DPP10: variants seen among roughly 807,000 people sequenced by gnomAD.
DPP10 encodes inactive dipeptidyl peptidase 10.
A neutral mutation model predicts 120.9 loss-of-function variants in DPP10; 33 were observed. The observed-to-expected ratio is 0.27, with a 90% CI of 0.21 to 0.37. The LOEUF (loss-of-function observed/expected upper bound fraction) is 0.37. Ranked by LOEUF, DPP10 falls within the 10% of genes least tolerant of loss-of-function variation. The probability of loss-of-function intolerance (pLI) is 1.00; values close to 1 mark genes in which losing one functional copy is unlikely to be tolerated. For missense variants in DPP10, 816 were observed against 942.8 expected, an observed-to-expected ratio of 0.87 and a Z score of 1.76; for synonymous variants, 337 against 326.1, an observed-to-expected ratio of 1.03 and a Z score of -0.36.
At chr2:114,492,916 A>G (rs1345892064) in intron 1 of DPP10, among the ~76,000 whole-genome samples, 1 of 152,202 alleles carries the variant, frequency 6.6e-6, no homozygotes, top group African/African-American at 2.4e-5. Context: ...CTGGGGACAC[A>G]GGTATGAGCA....
In DPP10 at chr2:114,917,466, A is replaced by G. The variant is rs143409836; in HGVS notation, c.61-391773A>G. On this transcript the variant is annotated intron_variant, in intron 1 of 25. Coordinates refer to ENST00000410059, the MANE Select transcript of DPP10 (RefSeq NM_020868.6). Reference sequence around the variant, plus strand: ...TTTTTGACAAAATTAGAAAAAAGCTATTCTAAAACTGAAACCAAAAAAGGA... The same window carrying G: ...TTTTTGACAAAATTAGAAAAAAGCTGTTCTAAAACTGAAACCAAAAAAGGA... 6.7e-3 allele frequency among the ~76,000 whole-genome samples: 1,014 copies of G among 152,256 alleles called. 17 individuals carry two copies. Among genetic ancestry groups the G allele is most frequent in the African/African-American group, 0.023 (971 of 41,540 alleles).
chr2:114,934,322 G>A (rs1000484967), intron 1 of DPP10, among the ~76,000 whole-genome samples: 1 of 152,124 alleles, frequency 6.6e-6, no homozygotes, highest in Admixed American at 6.6e-5. Flanking sequence ...TAATTGACAC[G>A]TGTATTGTGG....
intron 19 of DPP10, among the ~76,000 whole-genome samples, chr2:115,807,388 G>A (rs1040822009): frequency 3.9e-5 from 6 of 152,154 alleles, no homozygotes; most frequent in Admixed American, 6.6e-5. Context: ...CCATTTCTGA[G>A]TTTTAGAGCT....
chr2:115,176,266 A>G (rs868396554), intron 1 of DPP10, among the ~76,000 whole-genome samples: 25 of 147,744 alleles, frequency 1.7e-4, no homozygotes, highest in African/African-American at 4.7e-4. Context: ...TATATTTTAT[A>G]TATTTTATAA....
chr2:114,725,343 T>C (rs1317142355), intron 1 of DPP10, among the ~76,000 whole-genome samples: 4 of 152,162 alleles, frequency 2.6e-5, no homozygotes, highest in Non-Finnish European at 5.9e-5. Context: ...CTTGAATCAG[T>C]TTTTCACCAC....
chr2:114,519,118 T>C (rs1166852496), intron 1 of DPP10, among the ~76,000 whole-genome samples: 2 of 152,244 alleles, frequency 1.3e-5, no homozygotes, highest in Non-Finnish European at 2.9e-5. Context: ...TGATAGGAAT[T>C]GTTTCCTTAG....
At chr2:115,210,128 G>A (rs1019503234) in intron 1 of DPP10, among the ~76,000 whole-genome samples, 9 of 151,938 alleles carry the variant, frequency 5.9e-5, no homozygotes, top group African/African-American at 1.5e-4. Flanking sequence ...CCATTAACTC[G>A]TCATTTACAT....
chr2:115,520,145 C>T (rs796476847), intron 4 of DPP10, among the ~76,000 whole-genome samples: 23 of 152,090 alleles, frequency 1.5e-4, no homozygotes, highest in African/African-American at 4.6e-4. Flanking sequence ...AGTGAAACCC[C>T]GTCTCTACTA....
At chr2:115,489,807 C>A (rs765154046) in intron 3 of DPP10, among the ~76,000 whole-genome samples, 3 of 151,982 alleles carry the variant, frequency 2.0e-5, no homozygotes, top group East Asian at 1.9e-4. Context: ...TGTAACCAGA[C>A]CTTCCCTTTC....
At chr2:115,095,186 T>A (rs143601152) in intron 1 of DPP10, among the ~76,000 whole-genome samples, 1,745 of 152,296 alleles carry the variant, frequency 0.011, 24 homozygotes, top group Middle Eastern at 0.02. Flanking sequence ...TGTCTCTGCA[T>A]ATAAGTTAGC....
At chr2:114,852,673 C>T (rs1689053672) in intron 1 of DPP10, among the ~76,000 whole-genome samples, 1 of 152,076 alleles carries the variant, frequency 6.6e-6, no homozygotes, top group Non-Finnish European at 1.5e-5. Flanking sequence ...CGTGGAACAA[C>T]TGTATTTGTA....
chr2:115,167,639 A>C (rs2052998214), intron 1 of DPP10, among the ~76,000 whole-genome samples: 2 of 151,374 alleles, frequency 1.3e-5, no homozygotes, highest in Admixed American at 1.3e-4. Flanking sequence ...CAGATTATTA[A>C]GCCGTGTATA....
At chr2:114,894,521 T>C (rs1010405975) in intron 1 of DPP10, among the ~76,000 whole-genome samples, 1 of 152,200 alleles carries the variant, frequency 6.6e-6, no homozygotes, top group East Asian at 1.9e-4. Context: ...ACAATATTCA[T>C]TGGAATATTA....
At chr2:114,793,443 C>G (rs1296731377) in intron 1 of DPP10, among the ~76,000 whole-genome samples, 1 of 152,104 alleles carries the variant, frequency 6.6e-6, no homozygotes, top group Non-Finnish European at 1.5e-5. Flanking sequence ...TGATGGTTTC[C>G]AGTTACATCC....
chr2:115,105,144 T>C (rs910968129), intron 1 of DPP10, among the ~76,000 whole-genome samples: 2 of 152,234 alleles, frequency 1.3e-5, no homozygotes, highest in Admixed American at 1.3e-4. Flanking sequence ...TAGCACATAC[T>C]CATATCTAGG....
At chr2:115,709,933 A>G (rs999009420) in intron 7 of DPP10, among the ~76,000 whole-genome samples, 3 of 152,126 alleles carry the variant, frequency 2.0e-5, no homozygotes, top group Admixed American at 6.6e-5. Context: ...CAAGGTGCTC[A>G]GTGAACTCCA....
At chr2:114,850,056 T>C (rs1688836228) in intron 1 of DPP10, among the ~76,000 whole-genome samples, 1 of 150,674 alleles carries the variant, frequency 6.6e-6, no homozygotes, top group East Asian at 1.9e-4. Context: ...CTCTTTCTTT[T>C]TTTTTTTCTT....
intron 3 of DPP10, among the ~76,000 whole-genome samples, chr2:115,449,622 C>G (rs1388380007): frequency 2.6e-5 from 4 of 152,022 alleles, no homozygotes; most frequent in Non-Finnish European, 5.9e-5. Context: ...TCTCTTCTAG[C>G]TAAATATTGA....
chr2:114,945,790 TGG>T (rs1414516893), intron 1 of DPP10, among the ~76,000 whole-genome samples: 1 of 152,178 alleles, frequency 6.6e-6, no homozygotes, highest in Non-Finnish European at 1.5e-5. Context: ...CACTCCAGCC[TGG>T]GCAACACGAG....
Sources: gnomAD v4.1 joint callset for allele counts (sites outside exome capture counted in the v4.1 genomes callset) on GRCh38, gnomAD v4.1.1 for gene constraint, MANE v1.5 for transcripts, NCBI Gene and HGNC (gene_info 2026-07-23, HGNC 2026-07-21) for gene names.